SIPA1L1: variants seen among roughly 807,000 people sequenced by gnomAD.
SIPA1L1 encodes the protein signal induced proliferation associated 1 like 1, also known as signal-induced proliferation-associated 1-like protein 1.
In SIPA1L1, 26 loss-of-function variants were observed where a neutral mutation model predicts 162.7. The observed-to-expected ratio is 0.16, with a 90% CI of 0.12 to 0.22. The LOEUF (loss-of-function observed/expected upper bound fraction) is 0.22. Among genes scored for constraint, SIPA1L1 ranks in the 10% least tolerant of loss-of-function variants. The pLI is 1.00. For synonymous variants in SIPA1L1, 829 were observed against 837.4 expected, an observed-to-expected ratio of 0.99 and a Z score of 0.17; for missense variants, 1,874 against 2,241.0, an observed-to-expected ratio of 0.84 and a Z score of 3.31.
intron 2 of SIPA1L1, among the ~76,000 whole-genome samples, chr14:71,389,518 AGTTTTTTCCACCACTATTTTTTATATTTT>A (rs1375822126): frequency 6.6e-6 from 1 of 152,204 alleles, no homozygotes; most frequent in Non-Finnish European, 1.5e-5. Context: ...TTAAAGTGGT[AGTTTTTTCCACCACTATTTTTTATATTTT>A]GTGTAGTCTT....
intron 7 of SIPA1L1, among the ~76,000 whole-genome samples, chr14:71,631,358 A>G (rs979407306): frequency 1.3e-5 from 2 of 152,146 alleles, no homozygotes; most frequent in African/African-American, 4.8e-5. Context: ...TTACTACTGC[A>G]TAGTAGCATA....
At chr14:71,724,433 T>C (rs2084038294) in intron 18 of SIPA1L1, among the ~76,000 whole-genome samples, 1 of 152,252 alleles carries the variant, frequency 6.6e-6, no homozygotes, top group Non-Finnish European at 1.5e-5. Flanking sequence ...GTAAAACTAA[T>C]AGCTTTATTT....
intron 2 of SIPA1L1, among the ~76,000 whole-genome samples, chr14:71,405,799 C>T (rs777075051): frequency 3.9e-5 from 6 of 152,186 alleles, no homozygotes; most frequent in Non-Finnish European, 7.3e-5. Context: ...TCATGTCTTC[C>T]ACAGGCATCT....
intron 5 of SIPA1L1, among the ~76,000 whole-genome samples, chr14:71,618,183 A>G (rs924475555): frequency 6.6e-6 from 1 of 152,232 alleles, no homozygotes; most frequent in Admixed American, 6.5e-5. Context: ...GCTATGGCCC[A>G]GAGCCCTGGG....
At chr14:71,352,374 AT>A (rs1397908958) in intron 2 of SIPA1L1, among the ~76,000 whole-genome samples, 1 of 152,206 alleles carries the variant, frequency 6.6e-6, no homozygotes, top group East Asian at 1.9e-4. Flanking sequence ...AAGAAACAGA[AT>A]TTTAACTGCC....
At chr14:71,674,012 T>A (rs2044807550) in intron 12 of SIPA1L1, among the ~76,000 whole-genome samples, 1 of 152,250 alleles carries the variant, frequency 6.6e-6, no homozygotes, top group African/African-American at 2.4e-5. Context: ...GCATTCCTTG[T>A]CTTGTCTCTT....
At chr14:71,600,231 G>A (rs573399924) in intron 5 of SIPA1L1, among the ~76,000 whole-genome samples, 2 of 152,182 alleles carry the variant, frequency 1.3e-5, no homozygotes, top group East Asian at 3.9e-4. Context: ...TCTTCTAGTA[G>A]CCTTATAGTT....
chr14:71,494,140 CAGTT>C (rs2049520727), intron 2 of SIPA1L1, among the ~76,000 whole-genome samples: 2 of 152,240 alleles, frequency 1.3e-5, no homozygotes, highest in South Asian at 2.1e-4. Flanking sequence ...CTTCTTGTAA[CAGTT>C]AGAATCTTCA....
At chr14:71,537,022 A>G (rs2053964099) in intron 4 of SIPA1L1, among the ~76,000 whole-genome samples, 1 of 152,090 alleles carries the variant, frequency 6.6e-6, no homozygotes, top group African/African-American at 2.4e-5. Flanking sequence ...CTTATGCACA[A>G]TGTTAGGGTT....
rs530295986 is a variant in SIPA1L1 at position 71,425,730 on chromosome 14, G to GT, written c.-464-87007dup. On this transcript the variant is annotated intron_variant, in intron 2 of 23. Coordinates refer to ENST00000381232, the MANE Select transcript of SIPA1L1 (RefSeq NM_001386936.1). ...CCTGTTAGTTCAGTTGGTTTCTTGT[G>GT]TTTTTTGAGTCCTCTGTTTCCTTGT... Among the ~76,000 whole-genome samples the GT allele has an allele frequency of 2.1e-3, 323 of 152,184 alleles. 1 individual carries two copies. Among genetic ancestry groups the GT allele is most frequent in the Middle Eastern group, 3.4e-3 (1 of 294 alleles).
intron 11 of SIPA1L1, among the ~76,000 whole-genome samples, 177 bp downstream of exon 11, chr14:71,671,869 A>C (rs2044554113): frequency 6.6e-6 from 1 of 151,408 alleles, no homozygotes; most frequent in South Asian, 2.1e-4. Flanking sequence ...TGTTTCGGAA[A>C]AGTAGAACAA....
At chr14:71,598,290 C>G (rs1457073972) in intron 5 of SIPA1L1, 33 of 898,262 alleles carry the variant, frequency 3.7e-5, no homozygotes, top group South Asian at 1.0e-4. Flanking sequence ...ATGACTGTTT[C>G]AGGAGAAATG....
intron 5 of SIPA1L1, among the ~76,000 whole-genome samples, chr14:71,606,847 C>A (rs1473589399): frequency 6.6e-6 from 1 of 151,952 alleles, no homozygotes; most frequent in Non-Finnish European, 1.5e-5. Flanking sequence ...ATAACCTGTA[C>A]TATTTTTGTA....
At chr14:71,330,656 C>A in intron 2 of SIPA1L1, 1 of 883,478 alleles carries the variant, frequency 1.1e-6, no homozygotes, top group Admixed American at 1.7e-5. Flanking sequence ...TTGTTGTAGT[C>A]TGGGTGGGGT....
At chr14:71,574,070 G>A in intron 4 of SIPA1L1, 1 of 178,230 alleles carries the variant, frequency 5.6e-6, no homozygotes, top group South Asian at 1.0e-4. Context: ...ATTTAAAGTA[G>A]AAATTTTGAT....
At chr14:71,534,320 C>T (rs2053701351) in intron 4 of SIPA1L1, among the ~76,000 whole-genome samples, 1 of 152,048 alleles carries the variant, frequency 6.6e-6, no homozygotes, top group Non-Finnish European at 1.5e-5. Context: ...GAAAGGTTGA[C>T]CTTAGTGGGA....
In SIPA1L1 at chr14:71,735,462, A is replaced by G. The variant is rs143840393; in HGVS notation, c.5123+71A>G. Reference sequence around the variant, plus strand: ...TGCCACTGACTGCATCTGTGGGGAGAAGAGATGGAAGCCACACGGAGTAGC... The same window carrying G: ...TGCCACTGACTGCATCTGTGGGGAGGAGAGATGGAAGCCACACGGAGTAGC... On this transcript the variant is annotated intron_variant, in intron 22 of 23. Coordinates refer to ENST00000381232, the MANE Select transcript of SIPA1L1 (RefSeq NM_001386936.1). The G allele has an allele frequency of 9.5e-6, 10 of 1,058,158 alleles. No homozygotes were observed. The African/African-American group carries it at 1.2e-4, about 13-fold the overall frequency. The allele number at this position is 1,058,158 out of a possible 1,614,324, so 65.5% of individuals were successfully genotyped here. A position where few individuals can be genotyped will look rare whatever the true frequency, so the allele number is the denominator to read the frequency against.
chr14:71,595,727 A>T (rs1009303443), intron 5 of SIPA1L1, among the ~76,000 whole-genome samples: 5 of 152,170 alleles, frequency 3.3e-5, no homozygotes, highest in African/African-American at 1.2e-4. Context: ...ACCCATGTGC[A>T]GAGAGATTTG....
At chr14:71,683,647 A>G (rs1196450439) in intron 12 of SIPA1L1, among the ~76,000 whole-genome samples, 1 of 152,218 alleles carries the variant, frequency 6.6e-6, no homozygotes, top group Non-Finnish European at 1.5e-5. Context: ...TATTTTTGTC[A>G]TAAATATCAG....
Sources: allele counts gnomAD v4.1 joint callset (sites outside exome capture counted in the v4.1 genomes callset), GRCh38; gene constraint gnomAD v4.1.1; transcripts MANE v1.5; gene names NCBI Gene and HGNC (gene_info 2026-07-23, HGNC 2026-07-21).